The following GALNT14 variants were observed in gnomAD, a reference collection of about 807,000 sequenced individuals.
GALNT14 encodes the protein UDP-GalNAc:polypeptide N-acetylgalactosaminyltransferase 14.
In GALNT14, 60 loss-of-function variants were observed where a neutral mutation model predicts 77.5. The ratio of observed to expected loss-of-function variants is 0.77; its 90% CI spans 0.63 to 0.96. The LOEUF is 0.96. Among genes scored for constraint, GALNT14 ranks in the 40% least tolerant of loss-of-function variants. The probability of loss-of-function intolerance (pLI) is 0.00; values close to 1 mark genes in which losing one functional copy is unlikely to be tolerated. For synonymous variants in GALNT14, 280 were observed against 281.7 expected, an observed-to-expected ratio of 0.99 and a Z score of 0.06; for missense variants, 710 against 731.0, an observed-to-expected ratio of 0.97 and a Z score of 0.33.
rs116117005 is a variant in GALNT14 at position 31,049,160 on chromosome 2, T to C, written c.130-56153A>G. Among the ~76,000 whole-genome samples, 1,488 of 152,332 alleles carry C rather than the reference T, an allele frequency of 9.8e-3. 34 individuals carry two copies. Among genetic ancestry groups the C allele is most frequent in the African/African-American group, 0.031 (1,284 of 41,572 alleles). ...TTGCATGCTTTCTTTGCAGTCCTCA[T>C]CTGCTCTACTACAGATGTGGCCTCT... On this transcript the variant is annotated intron_variant, in intron 1 of 14. Coordinates refer to ENST00000349752, the MANE Select transcript of GALNT14 (RefSeq NM_024572.4).
chr2:31,059,157 T>C (rs1674426777), intron 1 of GALNT14, among the ~76,000 whole-genome samples: 1 of 152,226 alleles, frequency 6.6e-6, no homozygotes, highest in Non-Finnish European at 1.5e-5. Context: ...ACCCCCTGAT[T>C]TCCCAAGGGA....
intron 1 of GALNT14, among the ~76,000 whole-genome samples, chr2:31,029,405 C>T (rs191420395): frequency 1.2e-4 from 19 of 152,342 alleles, no homozygotes; most frequent in African/African-American, 4.6e-4. Context: ...ACCTCATCAT[C>T]TCCACCAGCA....
intron 6 of GALNT14, among the ~76,000 whole-genome samples, chr2:30,948,522 A>G (rs1405539245): frequency 1.3e-5 from 2 of 152,226 alleles, no homozygotes; most frequent in African/African-American, 4.8e-5. Flanking sequence ...CTGACACCCA[A>G]TAAAAACCCT....
intron 1 of GALNT14, among the ~76,000 whole-genome samples, chr2:31,095,792 C>A (rs1191662653): frequency 6.6e-6 from 1 of 152,146 alleles, no homozygotes; most frequent in African/African-American, 2.4e-5. Context: ...TCTCTGTGTG[C>A]CTAGTTTTCT....
intron 6 of GALNT14, among the ~76,000 whole-genome samples, chr2:30,954,624 G>A (rs1667244853): frequency 6.6e-6 from 1 of 152,198 alleles, no homozygotes; most frequent in South Asian, 2.1e-4. Context: ...TGTTGGGAAG[G>A]ATTTCCTTGT....
the GALNT14 span, among the ~76,000 whole-genome samples, chr2:30,887,637 C>A: frequency 1.3e-5 from 2 of 152,154 alleles, no homozygotes; most frequent in Non-Finnish European, 2.9e-5. Flanking sequence ...TCCAGAGATA[C>A]GATTTGCAAT....
intron 1 of GALNT14, among the ~76,000 whole-genome samples, chr2:31,074,182 G>A (rs1675607056): frequency 6.6e-6 from 1 of 152,154 alleles, no homozygotes; most frequent in African/African-American, 2.4e-5. Context: ...CAGGGAGACG[G>A]TGCCAAGCAC....
In GALNT14 at chr2:30,955,430, AC is replaced by A. The variant is rs542722452; in HGVS notation, c.654+187del. Among the ~76,000 whole-genome samples the A allele has an allele frequency of 4.3e-3, 660 of 152,286 alleles. 8 individuals carry two copies. The highest frequency in any genetic ancestry group is 0.015 in the African/African-American group (628 of 41,552). The stretch of plus-strand genomic sequence containing the variant: ...AACACATCCCGGTCCTTGCTCCACC[AC>A]TGACTGCCATGTGACCTCACACAGG... On this transcript the variant is annotated intron_variant, in intron 6 of 14. Transcript: ENST00000349752.
chr2:31,129,713 G>C (rs1431302342), intron 1 of GALNT14: 3 of 921,178 alleles, frequency 3.3e-6, no homozygotes, highest in Non-Finnish European at 3.9e-6. Flanking sequence ...AGTCTCTATG[G>C]CTGGGAGGTG....
intron 1 of GALNT14, among the ~76,000 whole-genome samples, chr2:31,120,046 C>T (rs536428690): frequency 8.3e-6 from 1 of 120,996 alleles, no homozygotes; most frequent in East Asian, 2.2e-4. Flanking sequence ...GTCCCAGCTA[C>T]TCGGGAGGCT....
chr2:30,977,194 A>G (rs1256553570), intron 2 of GALNT14, among the ~76,000 whole-genome samples: 2 of 151,494 alleles, frequency 1.3e-5, no homozygotes, highest in South Asian at 2.1e-4. Context: ...CGTTCAAGCA[A>G]TTCTCATGCC....
intron 1 of GALNT14, among the ~76,000 whole-genome samples, chr2:31,041,192 C>T (rs1415214558): frequency 2.6e-5 from 4 of 151,754 alleles, no homozygotes; most frequent in East Asian, 3.9e-4. Flanking sequence ...TGCTAGAAGG[C>T]AAAAAGATAA....
At chr2:31,136,675 G>C (rs150986362) in intron 1 of GALNT14, among the ~76,000 whole-genome samples, 6 of 152,244 alleles carry the variant, frequency 3.9e-5, no homozygotes, top group African/African-American at 1.4e-4. Flanking sequence ...TAGAAGACTT[G>C]GTTAAAAAGG....
intron 1 of GALNT14, among the ~76,000 whole-genome samples, chr2:31,072,375 C>CT (rs375698800): frequency 6.6e-5 from 10 of 150,652 alleles, no homozygotes; most frequent in Non-Finnish European, 8.9e-5. Context: ...CTCTTGCTCT[C>CT]TTTTTTTTTC....
intron 9 of GALNT14, among the ~76,000 whole-genome samples, chr2:30,940,144 TGGA>T: frequency 1.3e-5 from 2 of 152,294 alleles, no homozygotes; most frequent in Middle Eastern, 6.8e-3. Flanking sequence ...AATTTTGTGA[TGGA>T]TTGCAAATGT....
chr2:30,921,766 G>T (rs898288844), intron 13 of GALNT14, among the ~76,000 whole-genome samples: 2 of 149,708 alleles, frequency 1.3e-5, no homozygotes, highest in Non-Finnish European at 3.0e-5. Context: ...GCATAGGTTT[G>T]TCCCTCAGGG....
At chr2:30,984,144 C>T (rs958533260) in intron 2 of GALNT14, among the ~76,000 whole-genome samples, 8 of 152,190 alleles carry the variant, frequency 5.3e-5, no homozygotes, top group African/African-American at 9.6e-5. Flanking sequence ...TCCTTCTCCC[C>T]TAAGACTAGC....
At chr2:30,955,999 C>T (rs778258858) in intron 4 of GALNT14, 22 bp from the exon 5 acceptor site, 7 of 1,613,618 alleles carry the variant, frequency 4.3e-6, no homozygotes, top group Non-Finnish European at 5.1e-6. Flanking sequence ...AAAGGTTAAG[C>T]CAATTGAGCG....
At position 31,078,825 on chromosome 2, in the gene GALNT14, C is replaced by T. The variant is rs549646861; in HGVS notation, c.129+59133G>A. ...AGGCACACAAGATGAAGGCAAGGGG[C>T]GAGATATAGGCCTGGGAGAACCCAG... is the stretch of plus-strand genomic sequence containing the variant. On this transcript the variant is annotated intron_variant, in intron 1 of 14. Coordinates refer to ENST00000349752, the MANE Select transcript of GALNT14 (RefSeq NM_024572.4). The T allele has an allele frequency of 1.4e-4, 128 of 925,752 alleles. No homozygotes were observed. In the African/African-American group the frequency reaches 1.7e-3, roughly 12 times the overall value. The allele number at this position is 925,752 out of a possible 1,614,324, so 57.3% of individuals were successfully genotyped here. A position where few individuals can be genotyped will look rare whatever the true frequency, so the allele number is the denominator to read the frequency against.
Sources: gnomAD v4.1 joint callset for allele counts (sites outside exome capture counted in the v4.1 genomes callset) on GRCh38, gnomAD v4.1.1 for gene constraint, MANE v1.5 for transcripts, NCBI Gene and HGNC (gene_info 2026-07-23, HGNC 2026-07-21) for gene names.